The following BTRC variants were observed in gnomAD, a reference collection of about 807,000 sequenced individuals.
BTRC encodes the protein F-box/WD repeat-containing protein 1A.
BTRC carries 42 observed loss-of-function variants against 85.5 expected under a neutral mutation model. The ratio of observed to expected loss-of-function variants is 0.49; its 90% CI spans 0.38 to 0.64. BTRC has a LOEUF of 0.64. Ranked by LOEUF, BTRC falls within the 30% of genes least tolerant of loss-of-function variation. BTRC has a pLI of 0.00. For synonymous variants in BTRC, 255 were observed against 263.3 expected, an observed-to-expected ratio of 0.97 and a Z score of 0.30; for missense variants, 594 against 743.5, an observed-to-expected ratio of 0.80 and a Z score of 2.34.
intron 1 of BTRC, among the ~76,000 whole-genome samples, chr10:101,384,918 T>G (rs887664973): frequency 1.3e-5 from 2 of 152,098 alleles, no homozygotes; most frequent in African/African-American, 4.8e-5. Flanking sequence ...TATGGAGTTT[T>G]AAAAACTTTT....
chr10:101,441,778 G>T (rs1237743907), intron 2 of BTRC, among the ~76,000 whole-genome samples: 1 of 151,032 alleles, frequency 6.6e-6, no homozygotes, highest in Non-Finnish European at 1.5e-5. Context: ...CTGCTTGGGA[G>T]GCTAAGGCAC....
chr10:101,502,034 C>T (rs1224390889), intron 4 of BTRC, among the ~76,000 whole-genome samples: 1 of 152,082 alleles, frequency 6.6e-6, no homozygotes, highest in Non-Finnish European at 1.5e-5. Flanking sequence ...AAAAATGGTG[C>T]CCATGTAGGG....
At chr10:101,362,919 T>C (rs1942254884) in intron 1 of BTRC, among the ~76,000 whole-genome samples, 1 of 152,222 alleles carries the variant, frequency 6.6e-6, no homozygotes, top group South Asian at 2.1e-4. Flanking sequence ...CATTATTATA[T>C]GTAATCTAGA....
chr10:101,492,321 T>G (rs1946153944), intron 4 of BTRC, among the ~76,000 whole-genome samples: 1 of 152,184 alleles, frequency 6.6e-6, no homozygotes. Flanking sequence ...AAGAAATGGT[T>G]CCTACAGTGT....
intron 2 of BTRC, among the ~76,000 whole-genome samples, chr10:101,437,646 A>G (rs1944566017): frequency 6.6e-6 from 1 of 152,172 alleles, no homozygotes; most frequent in South Asian, 2.1e-4. Context: ...TCATCTGGTA[A>G]TACTGATTTT....
Position 101,521,674 on chromosome 10 carries a change from GCC to G in BTRC, c.362_363del (p.Pro121GlnfsTer10). On this transcript the variant is annotated frameshift_variant, in exon 5 of 15. Coordinates refer to ENST00000370187, the MANE Select transcript of BTRC (RefSeq NM_033637.4). LOFTEE classifies it high-confidence loss of function. Reference protein sequence around the residue: ...LANGTSSMIVPKQRKLSASYE... With the variant: ...LANGTSSMIVXKQRKLSASYE... Reference sequence around the variant, plus strand: ...CCAATGGCACTTCCAGTATGATTGTGCCCAAGCAACGGAAACTCTCAGCAAGC... The same window carrying G: ...CCAATGGCACTTCCAGTATGATTGTGCAAGCAACGGAAACTCTCAGCAAGC... 1 of 1,614,112 alleles carries G rather than the reference GCC, an allele frequency of 6.2e-7. No homozygotes were observed. The highest frequency in any genetic ancestry group is 8.5e-7 in the Non-Finnish European group (1 of 1,180,014).
chr10:101,527,085 CAT>C (rs2062203702), intron 6 of BTRC, among the ~76,000 whole-genome samples: 1 of 152,140 alleles, frequency 6.6e-6, no homozygotes, highest in African/African-American at 2.4e-5. Flanking sequence ...ATAAAGGTGA[CAT>C]ATTAAATATT....
rs369946455 is a variant in BTRC at position 101,524,535 on chromosome 10, C to T, written c.557-1478C>T. 2.6e-5 allele frequency among the ~76,000 whole-genome samples: 4 copies of T among 152,090 alleles called. No individual in the cohort carries two copies. The East Asian group carries it at 5.8e-4, about 22-fold the overall frequency. ...CTATGTTTAGTAAACCAAACTACTT[C>T]AAAAAGTGCCTGTAGTCCATTAATG... On this transcript the variant is annotated intron_variant, in intron 5 of 14. Coordinates refer to ENST00000370187, the MANE Select transcript of BTRC (RefSeq NM_033637.4).
intron 1 of BTRC, among the ~76,000 whole-genome samples, chr10:101,419,811 G>T (rs555289131): frequency 2.6e-5 from 4 of 152,206 alleles, no homozygotes; most frequent in Admixed American, 2.0e-4. Flanking sequence ...AATGTAGCCT[G>T]CCTCAGTCTT....
At chr10:101,449,773 T>G (rs1944913112) in intron 2 of BTRC, among the ~76,000 whole-genome samples, 1 of 152,142 alleles carries the variant, frequency 6.6e-6, no homozygotes, top group South Asian at 2.1e-4. Context: ...CTCTACTTTG[T>G]ACATTGTTGT....
chr10:101,457,826 A>AT (rs900102283), intron 2 of BTRC, among the ~76,000 whole-genome samples: 3 of 152,100 alleles, frequency 2.0e-5, no homozygotes, highest in African/African-American at 7.2e-5. Flanking sequence ...TAATTAATTA[A>AT]TTTTTTATTT....
chr10:101,458,835 T>A (rs1046828734), intron 2 of BTRC, among the ~76,000 whole-genome samples: 2 of 152,270 alleles, frequency 1.3e-5, no homozygotes, highest in African/African-American at 4.8e-5. Context: ...AGGTGGCATC[T>A]GCTGGATTTC....
intron 2 of BTRC, among the ~76,000 whole-genome samples, chr10:101,443,987 T>C (rs1342647964): frequency 1.3e-5 from 2 of 152,250 alleles, no homozygotes; most frequent in African/African-American, 4.8e-5. Context: ...AGTACTTATA[T>C]ACCAGTCACT....
At chr10:101,473,193 T>C (rs1486391183) in intron 3 of BTRC, among the ~76,000 whole-genome samples, 2 of 145,706 alleles carry the variant, frequency 1.4e-5, no homozygotes, top group Non-Finnish European at 3.0e-5. Context: ...TTTATATGAT[T>C]TCAGTTTATC....
intron 1 of BTRC, among the ~76,000 whole-genome samples, chr10:101,383,057 A>T (rs1171292794): frequency 3.4e-5 from 4 of 116,484 alleles, no homozygotes; most frequent in African/African-American, 3.6e-5. Flanking sequence ...TTCCCTGGAG[A>T]TTTTTTTTTT....
intron 1 of BTRC, among the ~76,000 whole-genome samples, chr10:101,389,023 A>G (rs1943156652): frequency 6.6e-6 from 1 of 151,360 alleles, no homozygotes; most frequent in African/African-American, 2.4e-5. Flanking sequence ...CTAATGGGCT[A>G]ATAGTCTCTA....
chr10:101,394,238 G>A lies in BTRC; in HGVS notation c.49-36107G>A, dbSNP rs1358417055. Among the ~76,000 whole-genome samples, 2 of 152,150 alleles carry A rather than the reference G, an allele frequency of 1.3e-5. 1 individual carries two copies. The highest frequency in any genetic ancestry group is 2.9e-5 in the Non-Finnish European group (2 of 68,032). ...TTCTTTCAATTTGGAAATGGTTCGA[G>A]TACGAACTCAATTATTTTCAAATAT... On this transcript the variant is annotated intron_variant, in intron 1 of 14. Transcript: ENST00000370187.
At chr10:101,365,980 A>G (rs1207346124) in intron 1 of BTRC, among the ~76,000 whole-genome samples, 1 of 152,144 alleles carries the variant, frequency 6.6e-6, no homozygotes, top group Non-Finnish European at 1.5e-5. Context: ...TTAACCAGAA[A>G]ATCAGCTATT....
chr10:101,371,425 C>A (rs1448992970), intron 1 of BTRC, among the ~76,000 whole-genome samples: 1 of 152,224 alleles, frequency 6.6e-6, no homozygotes, highest in Non-Finnish European at 1.5e-5. Flanking sequence ...GATCCGCCCG[C>A]CTCGGCCTCC....
Sources: allele counts gnomAD v4.1 joint callset (sites outside exome capture counted in the v4.1 genomes callset), GRCh38; gene constraint gnomAD v4.1.1; transcripts MANE v1.5; gene names NCBI Gene and HGNC (gene_info 2026-07-23, HGNC 2026-07-21).